TAFA4: variants seen among roughly 807,000 people sequenced by gnomAD.
TAFA4 encodes chemokine-like protein TAFA-4.
TAFA4 carries 20 observed loss-of-function variants against 21.1 expected under a neutral mutation model. The observed-to-expected ratio is 0.95, with a 90% CI of 0.67 to 1.38. The LOEUF (loss-of-function observed/expected upper bound fraction) is 1.38, where lower values mean the gene tolerates loss of function less well. TAFA4 is among the 40% of genes most tolerant of loss of function. The pLI is 0.00. For missense variants in TAFA4, 211 were observed against 180.9 expected (o/e 1.17, Z -0.95); for synonymous variants, 71 against 67.4 (o/e 1.05, Z -0.26).
At chr3:68,735,151 G>C (rs1489279687) in intron 5 of TAFA4, among the ~76,000 whole-genome samples, 2 of 151,984 alleles carry the variant, frequency 1.3e-5, no homozygotes, top group Non-Finnish European at 2.9e-5. Context: ...GGGTAAAGGA[G>C]TCATCTGAGC....
intron 3 of TAFA4, among the ~76,000 whole-genome samples, chr3:68,818,233 T>C (rs1704031704): frequency 6.6e-6 from 1 of 152,220 alleles, no homozygotes; most frequent in Non-Finnish European, 1.5e-5. Flanking sequence ...CCAACTTCTC[T>C]TCTGGAGCTT....
At chr3:68,851,701 C>T (rs999332195) in intron 3 of TAFA4, among the ~76,000 whole-genome samples, 19 of 152,202 alleles carry the variant, frequency 1.2e-4, no homozygotes, top group Admixed American at 4.6e-4. Context: ...TACCTGATAG[C>T]TAATAGGATT....
intron 3 of TAFA4, among the ~76,000 whole-genome samples, chr3:68,778,307 G>A (rs938714688): frequency 2.0e-5 from 3 of 152,060 alleles, no homozygotes; most frequent in African/African-American, 7.2e-5. Flanking sequence ...AGTAAAAACA[G>A]GAACTTCATA....
chr3:68,846,651 T>G (rs1704806768), intron 3 of TAFA4, among the ~76,000 whole-genome samples: 3 of 152,196 alleles, frequency 2.0e-5, no homozygotes, highest in Admixed American at 2.0e-4. Flanking sequence ...CTCATCTTCG[T>G]GGATTTATCT....
chr3:68,913,459 A>T (rs1320119697), intron 1 of TAFA4: 1 of 152,174 alleles, frequency 6.6e-6, no homozygotes, highest in Admixed American at 6.5e-5. Context: ...GGCATGGAGG[A>T]GGTGGTACCG....
intron 5 of TAFA4, among the ~76,000 whole-genome samples, chr3:68,734,105 A>G (rs1475767774): frequency 6.6e-6 from 1 of 152,210 alleles, no homozygotes; most frequent in Non-Finnish European, 1.5e-5. Flanking sequence ...TCACAAAAGT[A>G]GCCATAGACA....
At chr3:68,873,547 T>TATAGACTA (rs1422750381) in intron 3 of TAFA4, among the ~76,000 whole-genome samples, 1 of 152,152 alleles carries the variant, frequency 6.6e-6, no homozygotes, top group Admixed American at 6.5e-5. Context: ...AGCTCAAACA[T>TATAGACTA]ATAGACTATG....
chr3:68,891,181 G>A (rs535716173), intron 1 of TAFA4, among the ~76,000 whole-genome samples: 7 of 152,150 alleles, frequency 4.6e-5, no homozygotes, highest in Middle Eastern at 3.4e-3. Context: ...AAATTACTTC[G>A]GTTGATTTCT....
At chr3:68,813,817 G>T (rs922472356) in intron 3 of TAFA4, among the ~76,000 whole-genome samples, 4 of 152,086 alleles carry the variant, frequency 2.6e-5, no homozygotes, top group African/African-American at 9.7e-5. Context: ...CTCATTTTAT[G>T]AGGACAGCAT....
chr3:68,758,240 T>C (rs1702695682), intron 3 of TAFA4, among the ~76,000 whole-genome samples: 1 of 152,216 alleles, frequency 6.6e-6, no homozygotes, highest in Non-Finnish European at 1.5e-5. Context: ...TGTGATTCCA[T>C]ACAGTCTTTT....
intron 1 of TAFA4, among the ~76,000 whole-genome samples, chr3:68,904,740 G>A (rs2089881869): frequency 6.6e-6 from 1 of 152,190 alleles, no homozygotes; most frequent in Non-Finnish European, 1.5e-5. Context: ...CCGAAGGACA[G>A]GAGGTGAGGC....
At chr3:68,863,694 C>A (rs1382556544) in intron 3 of TAFA4, among the ~76,000 whole-genome samples, 2 of 152,146 alleles carry the variant, frequency 1.3e-5, no homozygotes, top group Admixed American at 6.6e-5. Context: ...CAGAGCTGCA[C>A]AGATGTGATC....
At chr3:68,774,522 G>A (rs771468164) in intron 3 of TAFA4, among the ~76,000 whole-genome samples, 31 of 152,196 alleles carry the variant, frequency 2.0e-4, no homozygotes, top group Non-Finnish European at 3.4e-4. Context: ...TAAATGTTGA[G>A]CATTCCACCT....
intron 3 of TAFA4, among the ~76,000 whole-genome samples, chr3:68,838,317 C>G (rs1704572336): frequency 6.6e-6 from 1 of 152,174 alleles, no homozygotes; most frequent in African/African-American, 2.4e-5. Flanking sequence ...ACCAAAAATA[C>G]TTTACCACAA....
rs1285529487 is a variant in TAFA4 at position 68,932,511 on chromosome 3, G to C, written c.-394C>G. 6.6e-6 allele frequency: 1 copy of C among 152,188 alleles called. No homozygotes were observed. Among genetic ancestry groups the C allele is most frequent in the South Asian group, 2.1e-4 (1 of 4,838 alleles). The allele number at this position is 152,188 out of a possible 1,614,324, so 9.4% of individuals were successfully genotyped here. A position where few individuals can be genotyped will look rare whatever the true frequency, so the allele number is the denominator to read the frequency against. On this transcript the variant is annotated 5_prime_UTR_variant, in exon 1 of 6. Transcript: ENST00000295569. ...TTGCCCGCAGCCGCGCGCGCAGTCG[G>C]TGCGCCCCGTCCAGGGCGGCGCGCA...
intron 2 of TAFA4, among the ~76,000 whole-genome samples, chr3:68,884,079 A>G (rs933496126): frequency 6.6e-6 from 1 of 152,246 alleles, no homozygotes; most frequent in Non-Finnish European, 1.5e-5. Context: ...AATGAAAGTG[A>G]TATTATAAAA....
intron 1 of TAFA4, among the ~76,000 whole-genome samples, chr3:68,895,916 G>A (rs1161236855): frequency 1.3e-5 from 2 of 152,210 alleles, no homozygotes; most frequent in Non-Finnish European, 2.9e-5. Context: ...AGGAAAAGAG[G>A]TTAGCTACTT....
At chr3:68,895,478 T>C (rs1420722662) in intron 1 of TAFA4, among the ~76,000 whole-genome samples, 1 of 152,176 alleles carries the variant, frequency 6.6e-6, no homozygotes, top group Non-Finnish European at 1.5e-5. Flanking sequence ...AAAAGGTCTG[T>C]ATATGTGCAT....
At chr3:68,815,987 A>C (rs1459537853) in intron 3 of TAFA4, among the ~76,000 whole-genome samples, 1 of 152,238 alleles carries the variant, frequency 6.6e-6, no homozygotes, top group Non-Finnish European at 1.5e-5. Flanking sequence ...ATGCAGCCAT[A>C]AAAAAGGATG....
Sources: gnomAD v4.1 joint callset for allele counts (sites outside exome capture counted in the v4.1 genomes callset) on GRCh38, gnomAD v4.1.1 for gene constraint, MANE v1.5 for transcripts, NCBI Gene and HGNC (gene_info 2026-07-23, HGNC 2026-07-21) for gene names.